ZNF536: variants seen among roughly 807,000 people sequenced by gnomAD.
The protein encoded by ZNF536 is zinc finger protein 536.
A neutral mutation model predicts 84.5 loss-of-function variants in ZNF536; 13 were observed. That is an observed-to-expected ratio of 0.15 (90% confidence interval 0.10 to 0.24). The LOEUF is 0.24. ZNF536 is among the 10% of genes least tolerant of loss of function. The probability of loss-of-function intolerance (pLI) is 1.00; values close to 1 mark genes in which losing one functional copy is unlikely to be tolerated. For missense variants in ZNF536, 1,536 were observed against 1,747.5 expected (o/e 0.88, Z 2.16); for synonymous variants, 811 against 742.5 (o/e 1.09, Z -1.50).
At chr19:30,230,594 G>T (rs1216806757) in intron 1 of ZNF536, among the ~76,000 whole-genome samples, 2 of 152,228 alleles carry the variant, frequency 1.3e-5, no homozygotes, top group Non-Finnish European at 2.9e-5. Context: ...CATTATGGGA[G>T]AGGACAGAGA....
chr19:30,549,354 G>T lies in ZNF536; in HGVS notation c.3735G>T (p.Leu1245Phe), dbSNP rs1458524066. The T allele has an allele frequency of 6.2e-7, 1 of 1,603,614 alleles. No individual in the cohort carries two copies. Among genetic ancestry groups the T allele is most frequent in the Non-Finnish European group, 8.5e-7 (1 of 1,174,550 alleles). ...SQGLLQAQDP[L>F]AGLPKPERGP... ...GTCTTCTCCAAGCCCAGGACCCCTT[G>T]GCGGGCCTGCCAAAGCCGGAGCGGG... The change falls in exon 4 of 5, where the codon TTG becomes TTT. Residue 1245 changes from leucine to phenylalanine, a missense_variant. Physicochemically the swap from Leu to Phe is conservative, Grantham distance 22 (BLOSUM62 0). Around this residue, in one of 8 missense-constraint regions of ZNF536, gnomAD observed 624 missense variants for 603.1 expected, o/e 1.03. Transcript: ENST00000355537.
At chr19:30,354,824 T>C (rs2048041322) in intron 3 of ZNF536, among the ~76,000 whole-genome samples, 1 of 152,198 alleles carries the variant, frequency 6.6e-6, no homozygotes. Context: ...TTTCAGGCTC[T>C]AGACCACAGG....
At chr19:30,651,729 C>T (rs1456960647) in intron 1 of ZNF536, among the ~76,000 whole-genome samples, 1 of 152,152 alleles carries the variant, frequency 6.6e-6, no homozygotes, top group Non-Finnish European at 1.5e-5. Flanking sequence ...TCGTATGAGC[C>T]TGCTAAGTAC....
intron 1 of ZNF536, among the ~76,000 whole-genome samples, chr19:30,405,932 C>T (rs924176077): frequency 6.6e-5 from 10 of 152,128 alleles, no homozygotes; most frequent in Admixed American, 3.3e-4. Context: ...CACCCGCCAA[C>T]ACACCCAGAT....
At chr19:30,385,094 T>TA (rs1407458788) in intron 1 of ZNF536, among the ~76,000 whole-genome samples, 1 of 151,992 alleles carries the variant, frequency 6.6e-6, no homozygotes, top group Non-Finnish European at 1.5e-5. Context: ...ACCTGCAGGA[T>TA]AAAGGTCTAA....
chr19:30,559,517 G>C (rs2046081236), downstream of ZNF536, among the ~76,000 whole-genome samples: 1 of 152,172 alleles, frequency 6.6e-6, no homozygotes, highest in African/African-American at 2.4e-5. Context: ...CCTTTTTCTC[G>C]GGGCCTCTGT....
chr19:30,649,490 AT>A (rs1347114252), intron 1 of ZNF536, among the ~76,000 whole-genome samples: 2 of 147,992 alleles, frequency 1.4e-5, no homozygotes, highest in African/African-American at 5.0e-5. Flanking sequence ...AATATTAACC[AT>A]TTTTTCCCCT....
chr19:30,626,683 G>T (rs1165945925), intron 1 of ZNF536, among the ~76,000 whole-genome samples: 2 of 152,172 alleles, frequency 1.3e-5, no homozygotes, highest in African/African-American at 2.4e-5. Flanking sequence ...GCCCCTGCAC[G>T]ACGCAAGGAA....
At chr19:30,645,186 A>C (rs577652600) in intron 1 of ZNF536, among the ~76,000 whole-genome samples, 86 of 152,280 alleles carry the variant, frequency 5.6e-4, no homozygotes, top group African/African-American at 2.0e-3. Flanking sequence ...ATGTCTGTTC[A>C]TATCCTTTGC....
At chr19:30,391,723 GGC>G (rs2147344800) in intron 1 of ZNF536, among the ~76,000 whole-genome samples, 1 of 152,216 alleles carries the variant, frequency 6.6e-6, no homozygotes, top group South Asian at 2.1e-4. Context: ...AAAAGGTAAA[GGC>G]ACACACAGAA....
chr19:30,467,250 T>C (rs1324027810), intron 2 of ZNF536, among the ~76,000 whole-genome samples: 1 of 152,196 alleles, frequency 6.6e-6, no homozygotes, highest in Non-Finnish European at 1.5e-5. Context: ...TGACACTCTG[T>C]ACCCATTCAC....
At chr19:30,686,799 C>T (rs993046840) in intron 1 of ZNF536, among the ~76,000 whole-genome samples, 2 of 152,126 alleles carry the variant, frequency 1.3e-5, no homozygotes, top group African/African-American at 4.8e-5. Context: ...CTCCCCCCAT[C>T]CAGTAAATGC....
chr19:30,412,668 C>T (rs1322851662), intron 1 of ZNF536, among the ~76,000 whole-genome samples: 1 of 151,440 alleles, frequency 6.6e-6, no homozygotes, highest in Non-Finnish European at 1.5e-5. Context: ...TTCCTTTTCC[C>T]CTTCTCCTTC....
At chr19:30,579,867 A>T (rs998360271) in intron 1 of ZNF536, among the ~76,000 whole-genome samples, 1 of 152,068 alleles carries the variant, frequency 6.6e-6, no homozygotes, top group Non-Finnish European at 1.5e-5. Context: ...CTTTCCTACA[A>T]CCACCTGCTT....
At chr19:30,543,605 G>C (rs1000396602) in intron 3 of ZNF536, among the ~76,000 whole-genome samples, 2 of 152,238 alleles carry the variant, frequency 1.3e-5, no homozygotes, top group African/African-American at 4.8e-5. Flanking sequence ...AGCACATCCA[G>C]ATGCAGAGGC....
At chr19:30,699,937 T>G (rs2051828321) in intron 1 of ZNF536, among the ~76,000 whole-genome samples, 1 of 152,204 alleles carries the variant, frequency 6.6e-6, no homozygotes, top group African/African-American at 2.4e-5. Flanking sequence ...CGGGGCCCAC[T>G]CTGGGGAGCT....
At chr19:30,279,469 C>T (rs149068256) in intron 1 of ZNF536, among the ~76,000 whole-genome samples, 1 of 152,266 alleles carries the variant, frequency 6.6e-6, no homozygotes, top group South Asian at 2.1e-4. Context: ...TCATTTGGGG[C>T]CATGTTCATC....
chr19:30,248,396 ATTT>A (rs34048586), intron 1 of ZNF536, among the ~76,000 whole-genome samples: 5,256 of 133,912 alleles, frequency 0.039, 309 homozygotes, highest in African/African-American at 0.13. Context: ...TGCCCTGCTA[ATTT>A]TTTTTTTTTT....
At chr19:30,368,997 T>G (rs2048526616), upstream of ZNF536, among the ~76,000 whole-genome samples, 1 of 152,206 alleles carries the variant, frequency 6.6e-6, no homozygotes, top group Admixed American at 6.5e-5. Flanking sequence ...CTAAATGAAC[T>G]GACTGATCCA....
Sources: gnomAD v4.1 joint callset for allele counts (sites outside exome capture counted in the v4.1 genomes callset) on GRCh38, gnomAD v4.1.1 for gene constraint, gnomAD v4.1.1 regional missense constraint, MANE v1.5 for transcripts, NCBI Gene and HGNC (gene_info 2026-07-23, HGNC 2026-07-21) for gene names.